Variants in AKIRIN2 observed in about 807,000 individuals in gnomAD.
The protein encoded by AKIRIN2 is akirin 2, also known as akirin-2.
Under a neutral mutation model 29.3 loss-of-function variants are expected in AKIRIN2, and 6 were observed. The ratio of observed to expected loss-of-function variants is 0.20; its 90% CI spans 0.11 to 0.40. AKIRIN2 has a LOEUF of 0.40. Among genes scored for constraint, AKIRIN2 ranks in the 10% least tolerant of loss-of-function variants. The pLI is 1.00. For missense variants in AKIRIN2, 210 were observed against 276.1 expected, an observed-to-expected ratio of 0.76 and a Z score of 1.70; for synonymous variants, 128 against 117.5, an observed-to-expected ratio of 1.09 and a Z score of -0.58.
chr6:87,696,816 A>C (rs751790312), intron 1 of AKIRIN2, among the ~76,000 whole-genome samples: 1 of 151,264 alleles, frequency 6.6e-6, no homozygotes, highest in Non-Finnish European at 1.5e-5. Flanking sequence ...GACCAACCTG[A>C]CCAACATGGT....
intron 2 of AKIRIN2, among the ~76,000 whole-genome samples, chr6:87,678,911 G>A (rs572106427): frequency 2.0e-5 from 3 of 152,204 alleles, no homozygotes; most frequent in East Asian, 1.9e-4. Context: ...CGAGGCAGGC[G>A]GATCACCTGA....
At chr6:87,700,280 A>C (rs1199188013) in intron 1 of AKIRIN2, among the ~76,000 whole-genome samples, 1 of 151,788 alleles carries the variant, frequency 6.6e-6, no homozygotes, top group Non-Finnish European at 1.5e-5. Context: ...AAAAAAAAAA[A>C]CACTAAAGTC....
intron 1 of AKIRIN2, among the ~76,000 whole-genome samples, chr6:87,697,522 C>T (rs887424127): frequency 2.8e-4 from 42 of 152,158 alleles, no homozygotes; most frequent in African/African-American, 9.4e-4. Flanking sequence ...CTAGGAGCAA[C>T]TTAACAGCTG....
At chr6:87,688,450 A>T (rs1771225656) in intron 1 of AKIRIN2, among the ~76,000 whole-genome samples, 1 of 151,480 alleles carries the variant, frequency 6.6e-6, no homozygotes. Context: ...CTTTAAAAAA[A>T]TAAAAAAAAA....
At chr6:87,700,332 G>A (rs2246113) in intron 1 of AKIRIN2, among the ~76,000 whole-genome samples, 93,913 of 151,470 alleles carry the variant, frequency 0.62, 30,542 homozygotes, top group African/African-American at 0.82. Flanking sequence ...TATATACTTC[G>A]GTTTTTTAAG....
intron 3 of AKIRIN2, among the ~76,000 whole-genome samples, chr6:87,676,596 A>ACACACACACACACAC (rs1770998077): frequency 1.4e-5 from 2 of 142,046 alleles, no homozygotes; most frequent in African/African-American, 2.7e-5. Context: ...CTCTACTAAA[A>ACACACACACACACAC]ACACACACAC....
At chr6:87,699,780 C>T (rs1259060193) in intron 1 of AKIRIN2, among the ~76,000 whole-genome samples, 3 of 152,066 alleles carry the variant, frequency 2.0e-5, no homozygotes, top group Non-Finnish European at 4.4e-5. Flanking sequence ...TGGTATAGTC[C>T]CCAATTGTTC....
rs746628409 is a variant in AKIRIN2 at position 87,701,589 on chromosome 6, C to T, written c.96G>A (p.Ala32=). Residue 32 remains alanine (A), a synonymous_variant, in exon 1 of 5, where the codon GCG becomes GCA. Transcript: ENST00000257787. The part of the protein sequence containing the change: ...PKRRRCAPLS[A]PTSAAASPLS... ...ACGGGGAGGCAGCGGCCGAGGTGGG[C>T]GCCGACAATGGCGCACATCGCCTGC... 3 of 1,428,498 alleles carry T rather than the reference C, an allele frequency of 2.1e-6. No homozygotes were observed. The highest frequency in any genetic ancestry group is 1.8e-6 in the Non-Finnish European group (2 of 1,093,500). The allele number at this position is 1,428,498 out of a possible 1,614,324, so 88.5% of individuals were successfully genotyped here.
chr6:87,677,050 C>T (rs549179098), intron 3 of AKIRIN2, among the ~76,000 whole-genome samples: 2 of 150,456 alleles, frequency 1.3e-5, no homozygotes, highest in East Asian at 2.0e-4. Context: ...GCACTCCAGC[C>T]TTGGGTGACA....
chr6:87,694,649 C>T, intron 1 of AKIRIN2, among the ~76,000 whole-genome samples: 1 of 152,210 alleles, frequency 6.6e-6, no homozygotes, highest in South Asian at 2.1e-4. Flanking sequence ...AATAAAATCA[C>T]AATAGCCACT....
intron 1 of AKIRIN2, among the ~76,000 whole-genome samples, chr6:87,701,093 T>A (rs1562402423): frequency 6.6e-6 from 1 of 152,016 alleles, no homozygotes; most frequent in Non-Finnish European, 1.5e-5. Context: ...CCCTTTCGCC[T>A]AAATTTACGA....
At chr6:87,692,321 T>C (rs1043117802) in intron 1 of AKIRIN2, among the ~76,000 whole-genome samples, 1 of 152,196 alleles carries the variant, frequency 6.6e-6, no homozygotes, top group African/African-American at 2.4e-5. Flanking sequence ...CTAAGAGGCA[T>C]ATGCTACTAT....
At chr6:87,687,439 C>CAAAAAAAAAAAAA (rs201472497) in intron 1 of AKIRIN2, among the ~76,000 whole-genome samples, 6 of 109,154 alleles carry the variant, frequency 5.5e-5, no homozygotes, top group Non-Finnish European at 7.7e-5. Flanking sequence ...AATTCCGTTT[C>CAAAAAAAAAAAAA]AAAAAAAAAA....
At chr6:87,689,131 G>C (rs920327413) in intron 1 of AKIRIN2, among the ~76,000 whole-genome samples, 1 of 152,126 alleles carries the variant, frequency 6.6e-6, no homozygotes, top group Non-Finnish European at 1.5e-5. Context: ...GACTCTTTGA[G>C]GACTCCAGTA....
At position 87,702,192 on chromosome 6, in the gene AKIRIN2, A is replaced by C. The variant is rs1771482987; in HGVS notation, c.-508T>G. The stretch of plus-strand genomic sequence containing the variant: ...GAGGTAGCTGCCGCAGCAGGAACCC[A>C]AGCGAACACGTCCAACCGCTTCCCC... On this transcript the variant is annotated 5_prime_UTR_variant, in exon 1 of 5. Transcript: ENST00000257787. 2.5e-6 allele frequency: 1 copy of C among 398,134 alleles called. No individual in the cohort carries two copies. The highest frequency in any genetic ancestry group is 4.4e-6 in the Non-Finnish European group (1 of 225,856). The allele number at this position is 398,134 out of a possible 1,614,324, so 24.7% of individuals were successfully genotyped here.
chr6:87,700,802 A>G (rs1771447841), intron 1 of AKIRIN2: 1 of 154,784 alleles, frequency 6.5e-6, no homozygotes, highest in Non-Finnish European at 1.5e-5. Context: ...TAGTGTGATC[A>G]TATTACAGTA....
At chr6:87,680,278 CTT>C (rs1331324816) in intron 2 of AKIRIN2, among the ~76,000 whole-genome samples, 1 of 130,006 alleles carries the variant, frequency 7.7e-6, no homozygotes, top group East Asian at 2.2e-4. Flanking sequence ...ATGTTATGGT[CTT>C]TGATTTTTTT....
intron 1 of AKIRIN2, among the ~76,000 whole-genome samples, chr6:87,693,392 G>A (rs1771309050): frequency 6.6e-6 from 1 of 151,846 alleles, no homozygotes; most frequent in Non-Finnish European, 1.5e-5. Context: ...CTCATCTTAG[G>A]ACAGGTATTT....
chr6:87,680,406 G>C (rs1208984665), intron 2 of AKIRIN2, among the ~76,000 whole-genome samples: 4 of 147,980 alleles, frequency 2.7e-5, no homozygotes, highest in African/African-American at 7.4e-5. Flanking sequence ...CTCAGTAGCT[G>C]AGACTACAGG....
Sources: allele counts gnomAD v4.1 joint callset (sites outside exome capture counted in the v4.1 genomes callset), GRCh38; gene constraint gnomAD v4.1.1; transcripts MANE v1.5; gene names NCBI Gene and HGNC (gene_info 2026-07-23, HGNC 2026-07-21).